CCDC150: variants seen among roughly 807,000 people sequenced by gnomAD.
CCDC150 encodes the protein coiled-coil domain-containing protein 150.
Under a neutral mutation model 156.5 loss-of-function variants are expected in CCDC150, and 151 were observed. That is an observed-to-expected ratio of 0.97 (90% CI 0.85 to 1.10). The LOEUF (loss-of-function observed/expected upper bound fraction) is 1.10. Among genes scored for constraint, CCDC150 ranks in the 50% least tolerant of loss-of-function variants. The pLI, the probability that CCDC150 is intolerant of heterozygous loss-of-function variation, is 0.00. For synonymous variants in CCDC150, 452 were observed against 429.4 expected (o/e 1.05, Z -0.65); for missense variants, 1,312 against 1,268.1 (o/e 1.03, Z -0.53).
chr2:196,713,480 C>A (rs2125693889), intron 17 of CCDC150: 2 of 1,550,712 alleles, frequency 1.3e-6, no homozygotes, highest in South Asian at 1.2e-5. Flanking sequence ...TAGTGTTATT[C>A]CAAACTCTAC....
intron 7 of CCDC150, among the ~76,000 whole-genome samples, chr2:196,668,152 G>A (rs555654521): frequency 3.9e-4 from 59 of 152,232 alleles, no homozygotes; most frequent in African/African-American, 1.4e-3. Context: ...CAAAAAATTA[G>A]CCAAGTGTGG....
At position 196,718,573 on chromosome 2, in the gene CCDC150, AAG is replaced by A. The variant is rs1322473162; in HGVS notation, c.1942_1943del (p.Gln649GlufsTer28). 6.2e-7 allele frequency: 1 copy of A among 1,613,874 alleles called. No individual in the cohort carries two copies. Among genetic ancestry groups the A allele is most frequent in the Non-Finnish European group, 8.5e-7 (1 of 1,179,820 alleles). The stretch of plus-strand genomic sequence containing the variant: ...GTGAAGTGTCGTAATGCGGCCCTGA[AAG>A]AGAGTCAGAAGTTGAAAGAAGACCT... On this transcript the variant is annotated frameshift_variant, in exon 18 of 28. Transcript: ENST00000389175. LOFTEE classifies it high-confidence loss of function.
chr2:196,693,802 G>T (rs1471859483), intron 13 of CCDC150, among the ~76,000 whole-genome samples: 2 of 151,998 alleles, frequency 1.3e-5, no homozygotes, highest in Non-Finnish European at 2.9e-5. Context: ...ATCAACTAGA[G>T]GTGGTTCCCT....
Position 196,730,865 on chromosome 2 carries a change from G to T in CCDC150, c.2989G>T (p.Glu997Ter). 1 of 1,593,164 alleles carries T rather than the reference G, an allele frequency of 6.3e-7. No individual in the cohort carries two copies. The highest frequency in any genetic ancestry group is 8.6e-7 in the Non-Finnish European group (1 of 1,169,532). ...CTTTGTATCACATTTTCAGGAATTG[G>T]AAGAAACTGTCAGACACCTGAAGAA... ...QELENRCQEL[E>*]ETVRHLKKCK... The change falls in exon 26 of 28, where the codon GAA becomes TAA. Residue 997 changes from glutamate (E) to a stop codon, truncating the protein, a stop_gained. Transcript: ENST00000389175. LOFTEE classifies it high-confidence loss of function.
intron 14 of CCDC150, among the ~76,000 whole-genome samples, chr2:196,699,905 C>T (rs964152363): frequency 5.3e-5 from 8 of 152,052 alleles, no homozygotes; most frequent in African/African-American, 1.4e-4. Flanking sequence ...TGTGTTTTTG[C>T]TTTTATTTAG....
chr2:196,709,484 G>A (rs1468561002), intron 15 of CCDC150, among the ~76,000 whole-genome samples: 3 of 152,040 alleles, frequency 2.0e-5, no homozygotes, highest in African/African-American at 7.2e-5. Flanking sequence ...TGTTATTACC[G>A]ACCTTCTGAA....
intron 1 of CCDC150, among the ~76,000 whole-genome samples, chr2:196,641,935 T>C (rs1051388425): frequency 2.6e-5 from 4 of 152,188 alleles, no homozygotes; most frequent in African/African-American, 9.7e-5. Context: ...TTCAAAGTCA[T>C]CTGGTTTTTA....
intron 5 of CCDC150, among the ~76,000 whole-genome samples, chr2:196,663,665 A>G (rs924215959): frequency 3.3e-5 from 5 of 152,178 alleles, no homozygotes; most frequent in African/African-American, 9.6e-5. Context: ...CAAGGATATG[A>G]TTTAAAAAGT....
rs557798336 is a variant in CCDC150 at position 196,646,436 on chromosome 2, G to A, written c.108G>A (p.Met36Ile). 1.2e-6 allele frequency: 2 copies of A among 1,613,846 alleles called. No individual in the cohort carries two copies. The highest frequency in any genetic ancestry group is 2.7e-5 in the African/African-American group (2 of 75,042). ...SETFTVLQQR[M>I]RIVEEQTSSL... ...CATTCACAGTACTTCAGCAAAGGAT[G>A]AGAATAGTTGAGGAACAGACCAGTT... The change falls in exon 2 of 28, where the codon ATG (methionine) becomes ATA (isoleucine). Residue 36 changes from methionine (M) to isoleucine (I), a missense_variant. By Grantham distance (10) the Met-to-Ile change is conservative. Coordinates refer to ENST00000389175, the MANE Select transcript of CCDC150 (RefSeq NM_001080539.2).
At chr2:196,641,657 C>G (rs188992564) in intron 1 of CCDC150, among the ~76,000 whole-genome samples, 1 of 152,266 alleles carries the variant, frequency 6.6e-6, no homozygotes, top group Admixed American at 6.5e-5. Flanking sequence ...GAGTTTTGTT[C>G]GTACTGTTCT....
At chr2:196,665,888 CTTAAT>C (rs1287058263) in intron 6 of CCDC150, among the ~76,000 whole-genome samples, 2 of 152,054 alleles carry the variant, frequency 1.3e-5, no homozygotes, top group Non-Finnish European at 2.9e-5. Context: ...ATTCAACACT[CTTAAT>C]TTATGAATCA....
chr2:196,660,080 T>C (rs1693469350), intron 5 of CCDC150, among the ~76,000 whole-genome samples: 1 of 152,176 alleles, frequency 6.6e-6, no homozygotes, highest in Non-Finnish European at 1.5e-5. Flanking sequence ...TGTAGTCTTT[T>C]TTGTACTGGC....
intron 2 of CCDC150, among the ~76,000 whole-genome samples, chr2:196,647,051 A>G (rs549246992): frequency 2.0e-4 from 31 of 152,244 alleles, no homozygotes; most frequent in African/African-American, 6.3e-4. Context: ...TAAGCAGCCA[A>G]TTGAGAATTT....
In CCDC150 at chr2:196,725,499, G is replaced by A. The variant is rs190231113; in HGVS notation, c.2430-474G>A. Among the ~76,000 whole-genome samples, 168 of 152,234 alleles carry A rather than the reference G, an allele frequency of 1.1e-3. 1 individual carries two copies. Among genetic ancestry groups the A allele is most frequent in the Non-Finnish European group, 1.9e-3 (126 of 68,008 alleles). ...TTAAGGCTCTCAGTTTAAAGATAAGGAAACAATATTATTACAAGTTAAAAC... is the reference window on the plus strand; with the variant it reads ...TTAAGGCTCTCAGTTTAAAGATAAGAAAACAATATTATTACAAGTTAAAAC... On this transcript the variant is annotated intron_variant, in intron 21 of 27. Coordinates refer to ENST00000389175, the MANE Select transcript of CCDC150 (RefSeq NM_001080539.2).
At chr2:196,717,907 G>A (rs1307094834) in intron 17 of CCDC150, among the ~76,000 whole-genome samples, 1 of 151,706 alleles carries the variant, frequency 6.6e-6, no homozygotes, top group Non-Finnish European at 1.5e-5. Flanking sequence ...AAAAAAGCAG[G>A]ATGAAGGGTA....
In CCDC150 at chr2:196,677,346, AT is replaced by A; in HGVS notation, c.1496del (p.Leu499Ter). On this transcript the variant is annotated frameshift_variant, in exon 13 of 28. Transcript: ENST00000389175. LOFTEE classifies it high-confidence loss of function. ...VQERCNLEKE[L>X]AKNKVDINTL... ...AAGAAAGATGCAATTTGGAAAAGGA[AT>A]TAGCTAAAAACAAGGTATTCTTCAT... 6.4e-7 allele frequency: 1 copy of A among 1,554,648 alleles called. No homozygotes were observed. Among genetic ancestry groups the A allele is most frequent in the Non-Finnish European group, 8.7e-7 (1 of 1,144,322 alleles).
In CCDC150 at chr2:196,720,488, G is replaced by C. The variant is rs1360712339; in HGVS notation, c.2166-87G>C. 7.8e-6 allele frequency: 8 copies of C among 1,027,774 alleles called. No individual in the cohort carries two copies. The East Asian group carries it at 2.0e-4, about 26-fold the overall frequency. 63.7% of individuals were successfully genotyped at this position (1,027,774 alleles called of 1,614,324 possible). A position where few individuals can be genotyped will look rare whatever the true frequency, so the allele number is the denominator to read the frequency against. On this transcript the variant is annotated intron_variant, in intron 19 of 27. Transcript: ENST00000389175. Reference sequence around the variant, plus strand: ...AGTATGATGCTATTTGAGCTTCTTAGAAGAAAAGTGTTCTGTAACTCCCAA... The same window carrying C: ...AGTATGATGCTATTTGAGCTTCTTACAAGAAAAGTGTTCTGTAACTCCCAA...
In CCDC150 at chr2:196,732,577, G is replaced by T; in HGVS notation, c.*15G>T. ...AGAGGAAGTGATGTCCTTGACAAGG[G>T]AGCTTCTTTATGTGTAGCTACACTC... On this transcript the variant is annotated 3_prime_UTR_variant, in exon 28 of 28. Transcript: ENST00000389175. 1.3e-6 allele frequency: 2 copies of T among 1,546,272 alleles called. No individual in the cohort carries two copies. The highest frequency in any genetic ancestry group is 1.1e-5 in the South Asian group (1 of 89,682).
chr2:196,702,858 C>T (rs183059954), intron 15 of CCDC150, among the ~76,000 whole-genome samples: 46 of 152,130 alleles, frequency 3.0e-4, no homozygotes, highest in African/African-American at 1.0e-3. Context: ...GCTGGGAAGT[C>T]CAGGATCATA....
Sources: allele counts gnomAD v4.1 joint callset (sites outside exome capture counted in the v4.1 genomes callset), GRCh38; gene constraint gnomAD v4.1.1; transcripts MANE v1.5; gene names NCBI Gene and HGNC (gene_info 2026-07-23, HGNC 2026-07-21).